Variants in CCDC158 observed in about 807,000 individuals in gnomAD.
The protein encoded by CCDC158 is coiled-coil domain-containing protein 158.
CCDC158 carries 116 observed loss-of-function variants against 138.6 expected under a neutral mutation model. The ratio of observed to expected loss-of-function variants is 0.84; its 90% CI spans 0.72 to 0.98. CCDC158 has a LOEUF of 0.98. CCDC158 is among the 50% of genes least tolerant of loss of function. The pLI is 0.00. For missense variants in CCDC158, 1,265 were observed against 1,306.1 expected (o/e 0.97, Z 0.48); for synonymous variants, 436 against 442.4 (o/e 0.99, Z 0.18).
At chr4:76,415,901 C>CG (rs1729655919) in intron 1 of CCDC158, among the ~76,000 whole-genome samples, 1 of 152,076 alleles carries the variant, frequency 6.6e-6, no homozygotes, top group African/African-American at 2.4e-5. Flanking sequence ...TCAATTTCCC[C>CG]GGGGGAGTTT....
intron 7 of CCDC158, among the ~76,000 whole-genome samples, chr4:76,383,448 C>T (rs28702431): frequency 0.029 from 4,473 of 152,184 alleles, 221 homozygotes; most frequent in African/African-American, 0.1. Flanking sequence ...CTCTCTCCTA[C>T]AGCAATACTC....
chr4:76,381,975 C>T (rs1726299164), intron 8 of CCDC158, among the ~76,000 whole-genome samples: 1 of 152,168 alleles, frequency 6.6e-6, no homozygotes, highest in South Asian at 2.1e-4. Flanking sequence ...GCCACCATGC[C>T]CAGCCAATAA....
intron 17 of CCDC158, among the ~76,000 whole-genome samples, 192 bp from the exon 18 acceptor site, chr4:76,351,313 AC>A (rs200896919): frequency 0.021 from 3,174 of 150,740 alleles, 45 homozygotes; most frequent in Non-Finnish European, 0.034. Context: ...TAAAAAAAAA[AC>A]GTTTTGTCAT....
At chr4:76,321,081 C>G (rs946003732) in intron 24 of CCDC158, among the ~76,000 whole-genome samples, 4 of 151,954 alleles carry the variant, frequency 2.6e-5, no homozygotes, top group African/African-American at 9.7e-5. Context: ...AACAAATAAT[C>G]CCATTAAAAA....
chr4:76,413,519 T>C lies in CCDC158; in HGVS notation c.-116-1387A>G, dbSNP rs559914564. On this transcript the variant is annotated intron_variant, in intron 1 of 24. Coordinates refer to ENST00000682701, the MANE Select transcript of CCDC158 (RefSeq NM_001394954.1). ...AAAAGAAAAAAATGAATATATTCTA[T>C]GTGCAGAATTCAGACTAATGAATGG... 1.5e-3 allele frequency among the ~76,000 whole-genome samples: 232 copies of C among 151,418 alleles called. 1 individual carries two copies. Among genetic ancestry groups the C allele is most frequent in the South Asian group, 9.9e-3 (47 of 4,766 alleles).
intron 2 of CCDC158, among the ~76,000 whole-genome samples, chr4:76,410,367 T>A (rs1189212021): frequency 6.6e-6 from 1 of 152,086 alleles, no homozygotes; most frequent in African/African-American, 2.4e-5. Context: ...GTATTTTTAG[T>A]AGAGATGGGG....
Position 76,331,337 on chromosome 4 carries a change from T to G in CCDC158, c.2942+7A>C, listed in dbSNP as rs761914152. 1.2e-6 allele frequency: 2 copies of G among 1,612,984 alleles called. No homozygotes were observed. The highest frequency in any genetic ancestry group is 1.7e-5 in the Admixed American group (1 of 60,008). On this transcript the variant is annotated splice_region_variant and intron_variant, in intron 21 of 24. Coordinates refer to ENST00000682701, the MANE Select transcript of CCDC158 (RefSeq NM_001394954.1). Reference sequence around the variant, plus strand: ...ACATTTTGAAAATGGGGGCTGGTATTTCCTACCTACTAAGAGTTTCACTTG... The same window carrying G: ...ACATTTTGAAAATGGGGGCTGGTATGTCCTACCTACTAAGAGTTTCACTTG...
intron 23 of CCDC158, among the ~76,000 whole-genome samples, chr4:76,324,204 T>G (rs545988172): frequency 6.6e-6 from 1 of 152,004 alleles, no homozygotes; most frequent in Admixed American, 6.5e-5. Flanking sequence ...TTCTTTTTTT[T>G]TTTTTTTTGA....
At chr4:76,383,809 A>G in intron 6 of CCDC158, 71 bp from the exon 7 acceptor site, 1 of 1,064,916 alleles carries the variant, frequency 9.4e-7, no homozygotes, top group Admixed American at 1.8e-5. Context: ...GAGATTTTCA[A>G]CTAAAGGAAT....
intron 10 of CCDC158, 26 bp from the exon 11 acceptor site, chr4:76,369,649 T>C (rs766532977): frequency 1.3e-6 from 2 of 1,582,860 alleles, no homozygotes; most frequent in Non-Finnish European, 1.7e-6. Context: ...AATGCTTTTT[T>C]CCTCCCTGCT....
chr4:76,420,422 C>A (rs1486158292), intron 1 of CCDC158, among the ~76,000 whole-genome samples: 1 of 152,184 alleles, frequency 6.6e-6, no homozygotes, highest in African/African-American at 2.4e-5. Flanking sequence ...TGAGTGGGGC[C>A]TGGAGCAGAG....
chr4:76,320,265 A>G (rs1429926123), intron 24 of CCDC158, among the ~76,000 whole-genome samples: 1 of 152,202 alleles, frequency 6.6e-6, no homozygotes, highest in East Asian at 1.9e-4. Context: ...AGGAAAAACT[A>G]CAAATGCTGC....
rs1241827592 is a variant in CCDC158, at chr4:76,362,295, A to C, written c.1851T>G (p.Asp617Glu). 1 of 1,611,442 alleles carries C rather than the reference A, an allele frequency of 6.2e-7. No individual in the cohort carries two copies. Among genetic ancestry groups the C allele is most frequent in the East Asian group, 2.2e-5 (1 of 44,870 alleles). The change falls in exon 13 of 25, where the codon GAT (aspartate) becomes GAG (glutamate). Residue 617 changes from aspartate (D) to glutamate (E), a missense_variant. Coordinates refer to ENST00000682701, the MANE Select transcript of CCDC158 (RefSeq NM_001394954.1). ...TGGCCTCAAGCTCCCGGATCTTTGC[A>C]TCTTTTTTATCTTTTAATATCTAAA... Reference protein sequence around the residue: ...KELKILKDKKDAKIRELEARV... With the variant: ...KELKILKDKKEAKIRELEARV...
At chr4:76,380,529 G>A (rs757996021) in intron 8 of CCDC158, among the ~76,000 whole-genome samples, 1 of 152,192 alleles carries the variant, frequency 6.6e-6, no homozygotes, top group Non-Finnish European at 1.5e-5. Context: ...GATGTCACCT[G>A]ACTGTTTCTG....
At chr4:76,390,298 T>A (rs1328226995) in intron 4 of CCDC158, among the ~76,000 whole-genome samples, 3 of 152,102 alleles carry the variant, frequency 2.0e-5, no homozygotes, top group Admixed American at 6.5e-5. Context: ...ACTTTTTAAG[T>A]GATGGTTTTA....
At chr4:76,357,161 T>C (rs1335585325) in intron 14 of CCDC158, among the ~76,000 whole-genome samples, 1 of 152,212 alleles carries the variant, frequency 6.6e-6, no homozygotes, top group Admixed American at 6.5e-5. Flanking sequence ...AAGATTCAGA[T>C]AGTTTAGGGA....
Position 76,369,621 on chromosome 4 carries a change from A to T in CCDC158, c.1152T>A (p.Ala384=). 6.3e-7 allele frequency: 1 copy of T among 1,594,540 alleles called. No homozygotes were observed. Among genetic ancestry groups the T allele is most frequent in the South Asian group, 1.1e-5 (1 of 90,168 alleles). The change falls in exon 11 of 25, where the codon GCT becomes GCA. Residue 384 remains alanine, a splice_region_variant and synonymous_variant. Transcript: ENST00000682701. ...GCTCCTTCTCCCTTTTGTGTAGATC[A>T]GCCTAAAAAAAGAGAGGAATGCTTT... The part of the protein sequence containing the change: ...NLDDQLQKLL[A]DLHKREKELS...
In CCDC158 at chr4:76,384,330, C is replaced by G. The variant is rs766180000; in HGVS notation, c.484G>C (p.Glu162Gln). The G allele has an allele frequency of 2.5e-6, 4 of 1,613,996 alleles. No individual in the cohort carries two copies. The highest frequency in any genetic ancestry group is 3.4e-6 in the Non-Finnish European group (4 of 1,180,010). ...HELEAAKCLKEDMLKDSNTQI... is the reference protein window; with the variant it reads ...HELEAAKCLKQDMLKDSNTQI... The stretch of plus-strand genomic sequence containing the variant: ...GTGTTGCTGTCTTTCAGCATGTCCT[C>G]TTTAAGGCATTTGGCAGCTTCAAGT... The change falls in exon 6 of 25, where the codon GAG becomes CAG. Residue 162 changes from glutamate (E) to glutamine (Q), a missense_variant. Physicochemically the swap from Glu to Gln is conservative, Grantham distance 29. Transcript: ENST00000682701.
chr4:76,338,476 C>T (rs745472961), intron 18 of CCDC158, among the ~76,000 whole-genome samples: 10 of 152,148 alleles, frequency 6.6e-5, no homozygotes, highest in Non-Finnish European at 1.3e-4. Context: ...CGTGCCACTG[C>T]ATTCCAGCCT....
Sources: allele counts gnomAD v4.1 joint callset (sites outside exome capture counted in the v4.1 genomes callset), GRCh38; gene constraint gnomAD v4.1.1; transcripts MANE v1.5; gene names NCBI Gene and HGNC (gene_info 2026-07-23, HGNC 2026-07-21).